The following MCCC2 variants were observed in gnomAD, a reference collection of about 807,000 sequenced individuals.
The protein encoded by MCCC2 is methylcrotonyl-CoA carboxylase subunit 2, also known as methylcrotonoyl-CoA carboxylase beta chain, mitochondrial.
A neutral mutation model predicts 77.2 loss-of-function variants in MCCC2; 52 were observed. The ratio of observed to expected loss-of-function variants is 0.67; its 90% CI spans 0.54 to 0.85. The LOEUF is 0.85. Ranked by LOEUF, MCCC2 falls within the 40% of genes least tolerant of loss-of-function variation. The pLI, the probability that MCCC2 is intolerant of heterozygous loss-of-function variation, is 0.00. For missense variants in MCCC2, 682 were observed against 703.2 expected (o/e 0.97, Z 0.34); for synonymous variants, 253 against 248.4 (o/e 1.02, Z -0.18).
In MCCC2 at chr5:71,650,170, G is replaced by C. The variant is rs756735169; in HGVS notation, c.1475G>C (p.Arg492Pro). The C allele has an allele frequency of 6.2e-7, 1 of 1,614,070 alleles. No homozygotes were observed. The highest frequency in any genetic ancestry group is 8.5e-7 in the Non-Finnish European group (1 of 1,179,938). Residue 492 changes from arginine to proline, a missense_variant, in exon 15 of 17, where the codon CGG becomes CCG. By Grantham distance (103) the Arg-to-Pro change is moderately radical. Transcript: ENST00000340941. The part of the protein sequence containing the change: ...LATITKDQRA[R>P]EGKQFSSADE... Reference sequence around the variant, plus strand: ...ACGATAACAAAGGACCAAAGAGCCCGGGAAGGAAAGCAGGTCGGTGTCGTT... The same window carrying C: ...ACGATAACAAAGGACCAAAGAGCCCCGGAAGGAAAGCAGGTCGGTGTCGTT...
intron 1 of MCCC2, 107 bp downstream of exon 1, chr5:71,587,661 A>AT: frequency 7.2e-7 from 1 of 1,396,588 alleles, no homozygotes; most frequent in East Asian, 2.5e-5. Flanking sequence ...GCCCCAGTTG[A>AT]TTCTGTGACG....
At chr5:71,641,420 A>C in intron 11 of MCCC2, 1 of 319,822 alleles carries the variant, frequency 3.1e-6, no homozygotes, top group Non-Finnish European at 5.9e-6. Flanking sequence ...TGAAAGTTTC[A>C]GCACTGTTTC....
intron 12 of MCCC2, among the ~76,000 whole-genome samples, chr5:71,645,604 G>A (rs1747253006): frequency 6.6e-6 from 1 of 152,154 alleles, no homozygotes; most frequent in African/African-American, 2.4e-5. Flanking sequence ...TCCCAGGAGG[G>A]TTTATATTCT....
At chr5:71,650,264 A>G in intron 15 of MCCC2, 81 bp downstream of exon 15, 1 of 1,201,626 alleles carries the variant, frequency 8.3e-7, no homozygotes, top group Non-Finnish European at 1.2e-6. Flanking sequence ...GCGTGCCTGG[A>G]AGCCCTTGGT....
At position 71,588,822 on chromosome 5, in the gene MCCC2, T is replaced by TC. The variant is rs1744859820; in HGVS notation, c.129+1269dup. Among the ~76,000 whole-genome samples, 7 of 152,080 alleles carry TC rather than the reference T, an allele frequency of 4.6e-5. No homozygotes were observed. In the East Asian group the frequency reaches 1.3e-3, roughly 29 times the overall value. On this transcript the variant is annotated intron_variant, in intron 1 of 16. Coordinates refer to ENST00000340941, the MANE Select transcript of MCCC2 (RefSeq NM_022132.5). The stretch of plus-strand genomic sequence containing the variant: ...CTGGTGTGAGGACTTGAATTCCATG[T>TC]CTAGGACATGGAATTCATTGAATAG...
chr5:71,633,294 A>C (rs1746806911), intron 8 of MCCC2, among the ~76,000 whole-genome samples: 1 of 151,546 alleles, frequency 6.6e-6, no homozygotes, highest in South Asian at 2.1e-4. Context: ...CTATTTAAAA[A>C]AAGTAAAGCT....
At chr5:71,632,277 A>G in intron 8 of MCCC2, 92 bp downstream of exon 8, 1 of 1,170,896 alleles carries the variant, frequency 8.5e-7, no homozygotes, top group Admixed American at 1.7e-5. Flanking sequence ...CCAGTGCTAA[A>G]CTTGCCAGAC....
chr5:71,621,303 T>G (rs1413393470), intron 6 of MCCC2, among the ~76,000 whole-genome samples: 3 of 151,690 alleles, frequency 2.0e-5, no homozygotes, highest in Non-Finnish European at 4.4e-5. Flanking sequence ...GAGCCAGGAG[T>G]GCTACCTGGG....
intron 6 of MCCC2, among the ~76,000 whole-genome samples, chr5:71,622,550 C>T (rs1363820376): frequency 6.6e-6 from 1 of 151,974 alleles, no homozygotes; most frequent in Non-Finnish European, 1.5e-5. Flanking sequence ...ATTTTCATTC[C>T]CCCAATAGCA....
chr5:71,632,239 G>C, intron 8 of MCCC2, 54 bp downstream of exon 8: 1 of 1,579,986 alleles, frequency 6.3e-7, no homozygotes. Flanking sequence ...TTGTTTGTTT[G>C]TTTAAAAGAA....
intron 16 of MCCC2, among the ~76,000 whole-genome samples, chr5:71,654,291 G>A (rs898912961): frequency 7.2e-5 from 11 of 152,196 alleles, no homozygotes; most frequent in East Asian, 1.9e-4. Flanking sequence ...ACCTGTAATC[G>A]TGGCTGGCCA....
At chr5:71,617,076 A>T (rs1027782574) in intron 6 of MCCC2, among the ~76,000 whole-genome samples, 1 of 152,198 alleles carries the variant, frequency 6.6e-6, no homozygotes, top group Non-Finnish European at 1.5e-5. Context: ...CCCGATACTT[A>T]AGCCCCCGTG....
chr5:71,613,962 A>G (rs941326244), intron 6 of MCCC2, among the ~76,000 whole-genome samples: 1 of 151,108 alleles, frequency 6.6e-6, no homozygotes, highest in African/African-American at 2.4e-5. Flanking sequence ...TTCATATTAT[A>G]TATCTAATTC....
chr5:71,628,140 G>T (rs277999), intron 7 of MCCC2, among the ~76,000 whole-genome samples: 63,607 of 152,072 alleles, frequency 0.42, 13,560 homozygotes, highest in South Asian at 0.47. Flanking sequence ...CACTGCACCT[G>T]GCCAAGGCAT....
At chr5:71,621,859 T>C (rs1363311350) in intron 6 of MCCC2, among the ~76,000 whole-genome samples, 1 of 152,146 alleles carries the variant, frequency 6.6e-6, no homozygotes. Context: ...TAGTCAATAA[T>C]AATAACAACT....
Position 71,611,009 on chromosome 5 carries a change from AAAGG to A in MCCC2, c.624+6544_624+6547del, listed in dbSNP as rs371751013. On this transcript the variant is annotated intron_variant, in intron 6 of 16. Coordinates refer to ENST00000340941, the MANE Select transcript of MCCC2 (RefSeq NM_022132.5). ...CAAACAAACAAAGAACAGGTTTTTA[AAAGG>A]AAAACAGGGTTTAAAAAGAAAGGGC... Among the ~76,000 whole-genome samples, 14 of 152,244 alleles carry A rather than the reference AAAGG, an allele frequency of 9.2e-5. No homozygotes were observed. In the East Asian group the frequency reaches 2.5e-3, roughly 27 times the overall value.
At chr5:71,613,837 G>T (rs1250309452) in intron 6 of MCCC2, among the ~76,000 whole-genome samples, 1 of 151,806 alleles carries the variant, frequency 6.6e-6, no homozygotes, top group Non-Finnish European at 1.5e-5. Flanking sequence ...CACATAGCCG[G>T]ACATCTTCAG....
At chr5:71,596,826 G>A (rs1169326716) in intron 3 of MCCC2, among the ~76,000 whole-genome samples, 1 of 152,090 alleles carries the variant, frequency 6.6e-6, no homozygotes, top group East Asian at 1.9e-4. Context: ...TGTAGTCCCA[G>A]CTACTCGGGA....
intron 6 of MCCC2, among the ~76,000 whole-genome samples, chr5:71,626,021 T>A (rs568894931): frequency 6.6e-6 from 1 of 152,298 alleles, no homozygotes; most frequent in South Asian, 2.1e-4. Context: ...CTGAGCAAGA[T>A]TTTTTTAAAG....
Sources: gnomAD v4.1 joint callset for allele counts (sites outside exome capture counted in the v4.1 genomes callset) on GRCh38, gnomAD v4.1.1 for gene constraint, MANE v1.5 for transcripts, NCBI Gene and HGNC (gene_info 2026-07-23, HGNC 2026-07-21) for gene names.